CCDC192: variants seen among roughly 807,000 people sequenced by gnomAD.
CCDC192 encodes the protein coiled-coil domain containing 192.
rs186253129 is a variant in CCDC192 at position 127,920,704 on chromosome 5, C to A, written c.536-20478C>A. 2.0e-4 allele frequency among the ~76,000 whole-genome samples: 31 copies of A among 152,112 alleles called. No homozygotes were observed. In the East Asian group the frequency reaches 5.8e-3, roughly 29 times the overall value. ...AGGATTACAGGCATGAGCCACCGCG[C>A]CCGGCTGCTAAAGAGGTATTAATAA... On this transcript the variant is annotated intron_variant, in intron 6 of 6. Coordinates refer to ENST00000514853, the MANE Select transcript of CCDC192 (RefSeq NM_001317938.2).
rs569987668 is a variant in CCDC192 at position 127,839,260 on chromosome 5, C to T, written c.412-36278C>T. Among the ~76,000 whole-genome samples, 10 of 152,228 alleles carry T rather than the reference C, an allele frequency of 6.6e-5. No homozygotes were observed. In the South Asian group the frequency reaches 2.1e-3, roughly 32 times the overall value. ...AACTCCACAAGAGGAAGTAGATGAC[C>T]ATTCAAAGTCATGTTATCACAGAAC... On this transcript the variant is annotated intron_variant, in intron 5 of 6. Coordinates refer to ENST00000514853, the MANE Select transcript of CCDC192 (RefSeq NM_001317938.2).
At chr5:127,734,162 T>G (rs1752824001) in intron 2 of CCDC192, among the ~76,000 whole-genome samples, 2 of 146,014 alleles carry the variant, frequency 1.4e-5, no homozygotes, top group South Asian at 4.4e-4. Context: ...CACCTATGAG[T>G]GAGAATATGC....
At chr5:127,789,877 C>T (rs368096246) in intron 3 of CCDC192, among the ~76,000 whole-genome samples, 1 of 152,202 alleles carries the variant, frequency 6.6e-6, no homozygotes, top group East Asian at 1.9e-4. Context: ...GGTGAGGTCA[C>T]CTGGAGCCAT....
chr5:127,706,519 A>G (rs1750969802), intron 1 of CCDC192, among the ~76,000 whole-genome samples: 1 of 128,994 alleles, frequency 7.8e-6, no homozygotes, highest in African/African-American at 2.9e-5. Flanking sequence ...GCAAGACTCC[A>G]TCTCAGAAAA....
intron 6 of CCDC192, among the ~76,000 whole-genome samples, chr5:127,896,434 C>CTT (rs10709420): frequency 6.8e-6 from 1 of 147,570 alleles, no homozygotes; most frequent in Admixed American, 6.7e-5. Context: ...TTTTCTTCTT[C>CTT]TTTTTTTTTT....
intron 5 of CCDC192, among the ~76,000 whole-genome samples, chr5:127,814,505 C>T (rs1758267472): frequency 6.6e-6 from 1 of 152,130 alleles, no homozygotes; most frequent in East Asian, 1.9e-4. Flanking sequence ...ATAAAAGCTT[C>T]ACTGAATGGA....
chr5:127,927,803 T>C (rs909654997), intron 6 of CCDC192, among the ~76,000 whole-genome samples: 5 of 152,070 alleles, frequency 3.3e-5, no homozygotes, highest in Admixed American at 1.3e-4. Context: ...GGCTCTCCTA[T>C]AATGGATAGA....
intron 6 of CCDC192, among the ~76,000 whole-genome samples, chr5:127,879,893 A>T (rs921963576): frequency 6.7e-6 from 1 of 149,764 alleles, no homozygotes; most frequent in Admixed American, 6.6e-5. Context: ...ATGAGATACC[A>T]TCTCACACCA....
At chr5:127,922,528 C>G (rs1753750098) in intron 6 of CCDC192, among the ~76,000 whole-genome samples, 1 of 152,206 alleles carries the variant, frequency 6.6e-6, no homozygotes, top group South Asian at 2.1e-4. Context: ...CGCTTGAGCA[C>G]AGGAGCTCAG....
intron 2 of CCDC192, among the ~76,000 whole-genome samples, chr5:127,738,709 T>C (rs780220298): frequency 0.029 from 4,427 of 152,192 alleles, 140 homozygotes; most frequent in African/African-American, 0.083. Context: ...ACCCTTTCTT[T>C]CAGTTGATCA....
At chr5:127,728,965 G>A (rs1036835693) in intron 2 of CCDC192, among the ~76,000 whole-genome samples, 22 of 152,058 alleles carry the variant, frequency 1.4e-4, no homozygotes, top group Admixed American at 2.0e-4. Context: ...GGAGTGCAGT[G>A]GCATGATCTC....
intron 2 of CCDC192, among the ~76,000 whole-genome samples, chr5:127,753,829 G>A (rs1381023567): frequency 6.6e-6 from 1 of 152,192 alleles, no homozygotes; most frequent in Non-Finnish European, 1.5e-5. Flanking sequence ...CATATGCTAA[G>A]AAGGTGAAGA....
intron 5 of CCDC192, among the ~76,000 whole-genome samples, chr5:127,863,924 T>G (rs930843960): frequency 1.3e-5 from 2 of 152,216 alleles, no homozygotes; most frequent in African/African-American, 4.8e-5. Context: ...AGTCAAAATA[T>G]ATGTATTTGT....
At chr5:127,912,446 C>T (rs1167872684) in intron 6 of CCDC192, among the ~76,000 whole-genome samples, 3 of 59,830 alleles carry the variant, frequency 5.0e-5, no homozygotes, top group Non-Finnish European at 1.1e-4. Context: ...AAAAATGAAG[C>T]TGTACTTTAC....
At chr5:127,733,021 A>T (rs1290129107) in intron 2 of CCDC192, among the ~76,000 whole-genome samples, 2 of 152,214 alleles carry the variant, frequency 1.3e-5, no homozygotes, top group African/African-American at 4.8e-5. Context: ...TACAATTTTT[A>T]AAAAAGAAGG....
At chr5:127,826,081 C>T (rs902614503) in intron 5 of CCDC192, among the ~76,000 whole-genome samples, 2 of 152,118 alleles carry the variant, frequency 1.3e-5, no homozygotes, top group Non-Finnish European at 2.9e-5. Flanking sequence ...AGTATAAGCT[C>T]AAACTGCAAA....
At chr5:127,904,495 CTTTTTTTTT>C (rs11344791) in intron 6 of CCDC192, among the ~76,000 whole-genome samples, 1 of 115,854 alleles carries the variant, frequency 8.6e-6, no homozygotes. Flanking sequence ...TTGGCAGAGA[CTTTTTTTTT>C]TTTTTTTTTT....
intron 5 of CCDC192, among the ~76,000 whole-genome samples, chr5:127,817,452 A>T (rs1047064887): frequency 6.8e-4 from 103 of 152,252 alleles, no homozygotes; most frequent in Admixed American, 2.8e-3. Context: ...ATGGAATATT[A>T]TTTATCCATA....
chr5:127,794,421 T>C (rs761991651), intron 3 of CCDC192, among the ~76,000 whole-genome samples: 17 of 152,188 alleles, frequency 1.1e-4, no homozygotes, highest in Non-Finnish European at 2.4e-4. Flanking sequence ...AGAATGAACC[T>C]TCAGGATGTT....
Sources: gnomAD v4.1 joint callset for allele counts (sites outside exome capture counted in the v4.1 genomes callset) on GRCh38, gnomAD v4.1.1 for gene constraint, MANE v1.5 for transcripts, NCBI Gene and HGNC (gene_info 2026-07-23, HGNC 2026-07-21) for gene names.